The following STRIP1 variants were observed in gnomAD, a reference collection of about 807,000 sequenced individuals.
STRIP1 encodes the protein striatin interacting protein 1, also known as striatin-interacting protein 1.
In STRIP1, 63 loss-of-function variants were observed where a neutral mutation model predicts 106.2. The ratio of observed to expected loss-of-function variants is 0.59; its 90% confidence interval spans 0.48 to 0.73. STRIP1 has a LOEUF of 0.73. Ranked by LOEUF, STRIP1 falls within the 30% of genes least tolerant of loss-of-function variation. STRIP1 has a pLI of 0.00. For synonymous variants in STRIP1, 390 were observed against 413.0 expected, an observed-to-expected ratio of 0.94 and a Z score of 0.67; for missense variants, 857 against 1,074.8, an observed-to-expected ratio of 0.80 and a Z score of 2.83.
chr1:110,038,754 C>G lies in STRIP1; in HGVS notation c.322C>G (p.His108Asp). The G allele has an allele frequency of 6.2e-7, 1 of 1,613,752 alleles. No homozygotes were observed. Among genetic ancestry groups the G allele is most frequent in the Non-Finnish European group, 8.5e-7 (1 of 1,179,654 alleles). ...RKCFEEDFRIHVTDKKWTELD... is the reference protein window; with the variant it reads ...RKCFEEDFRIDVTDKKWTELD... ...ATGCTTTGAGGAGGACTTCCGGATC[C>G]ATGGTGAGATGATTTCCCACACTTC... is the stretch of plus-strand genomic sequence containing the variant. The change falls in exon 3 of 21, where the codon CAT becomes GAT. Residue 108 changes from histidine to aspartate, a missense_variant. By Grantham distance (81) the His-to-Asp change is moderately conservative. Around this residue, in one of 2 missense-constraint regions of STRIP1, gnomAD observed 750 missense variants for 989.8 expected, o/e 0.76. Coordinates refer to ENST00000369795, the MANE Select transcript of STRIP1 (RefSeq NM_033088.4).
chr1:110,036,441 C>T (rs1012224315), intron 1 of STRIP1, among the ~76,000 whole-genome samples: 1 of 151,894 alleles, frequency 6.6e-6, no homozygotes. Flanking sequence ...GTGACAAGAG[C>T]GAAACTCTCC....
chr1:110,033,810 C>G (rs1352505007), upstream of STRIP1, among the ~76,000 whole-genome samples: 1 of 152,274 alleles, frequency 6.6e-6, no homozygotes, highest in East Asian at 1.9e-4. Flanking sequence ...AACATCTTAG[C>G]ACCCTGTCCT....
At chr1:110,038,161 G>A (rs1652584793) in intron 2 of STRIP1, 1 of 169,428 alleles carries the variant, frequency 5.9e-6, no homozygotes, top group African/African-American at 2.6e-5. Context: ...TTATAACTTT[G>A]TGTTGTCCTT....
intron 20 of STRIP1, 72 bp downstream of exon 20, chr1:110,051,959 G>T: frequency 1.3e-6 from 2 of 1,494,556 alleles, no homozygotes; most frequent in South Asian, 1.2e-5. Flanking sequence ...CTCCCTGCCC[G>T]TGGTACTCAG....
upstream of STRIP1, chr1:110,034,529 G>A (rs567094071): frequency 3.9e-5 from 53 of 1,342,348 alleles, no homozygotes; most frequent in East Asian, 1.1e-3. Context: ...TTCTAACACT[G>A]GCCGCCACAC....
intron 18 of STRIP1, 90 bp downstream of exon 18, chr1:110,050,499 T>G (rs1265050046): frequency 8.0e-7 from 1 of 1,250,058 alleles, no homozygotes; most frequent in Non-Finnish European, 1.2e-6. Flanking sequence ...GGAATAGAGG[T>G]GTCTCCCGCA....
intron 5 of STRIP1, 108 bp downstream of exon 5, chr1:110,039,623 TG>T: frequency 7.4e-7 from 1 of 1,354,624 alleles, no homozygotes; most frequent in Non-Finnish European, 1.0e-6. Context: ...GCAGAAGTTC[TG>T]GTCCCAGGCT....
At chr1:110,043,544 A>G (rs533248992) in intron 9 of STRIP1, 95 bp from the exon 10 acceptor site, 10 of 1,139,956 alleles carry the variant, frequency 8.8e-6, no homozygotes, top group African/African-American at 7.7e-5. Flanking sequence ...TCTTGCCTCT[A>G]CTGGACACCT....
rs751513487 is a variant in STRIP1 at position 110,045,068 on chromosome 1, C to T, written c.1406C>T (p.Thr469Ile). 1.9e-5 allele frequency: 30 copies of T among 1,613,924 alleles called. 2 individuals are homozygous for T. In the South Asian group the frequency reaches 2.7e-4, roughly 15 times the overall value. Residue 469 changes from threonine (T) to isoleucine (I), a missense_variant, in exon 12 of 21, where the codon ACT becomes ATT. This residue lies in a region of STRIP1 where 750 missense variants were observed against 989.8 expected (regional missense o/e 0.76). Coordinates refer to ENST00000369795, the MANE Select transcript of STRIP1 (RefSeq NM_033088.4). The stretch of plus-strand genomic sequence containing the variant: ...AGGCCAATCCACGAAAGCATCAAGA[C>T]TCTGAAACAGGTGAGTGGCTTTGGG... ...LPRPIHESIK[T>I]LKQHKYTSIA... is the part of the protein sequence containing the mutation.
At chr1:110,049,277 G>T (rs1300649149) in intron 16 of STRIP1, 39 bp downstream of exon 16, 1 of 1,613,370 alleles carries the variant, frequency 6.2e-7, no homozygotes, top group South Asian at 1.1e-5. Context: ...GTGGGCTGGG[G>T]CCTCGGGCAC....
In STRIP1 at chr1:110,053,968, G is replaced by C; in HGVS notation, c.*56G>C. On this transcript the variant is annotated 3_prime_UTR_variant, in exon 21 of 21. Transcript: ENST00000369795. The stretch of plus-strand genomic sequence containing the variant: ...AAAAGATGATCTGAAGGTACCTGTG[G>C]GACTGTCCTAGTTCATTGCTGCAGT... 6.3e-7 allele frequency: 1 copy of C among 1,598,460 alleles called. No homozygotes were observed. The highest frequency in any genetic ancestry group is 2.2e-5 in the East Asian group (1 of 44,806).
At chr1:110,049,592 A>G (rs747671432) in intron 17 of STRIP1, 32 bp downstream of exon 17, 2 of 1,487,674 alleles carry the variant, frequency 1.3e-6, no homozygotes, top group Admixed American at 1.7e-5. Context: ...GAAGGGGTGG[A>G]TATGGTCAGA....
chr1:110,034,853 C>A, intron 1 of STRIP1, 36 bp downstream of exon 1: 2 of 1,374,158 alleles, frequency 1.5e-6, no homozygotes, highest in South Asian at 1.7e-5. Flanking sequence ...CGCACCGGGT[C>A]GGGCGGCGCC....
chr1:110,054,156 C>T lies in STRIP1; in HGVS notation c.*244C>T, dbSNP rs1653432048. On this transcript the variant is annotated 3_prime_UTR_variant, in exon 21 of 21. Coordinates refer to ENST00000369795, the MANE Select transcript of STRIP1 (RefSeq NM_033088.4). ...TTCTTCCTTTACTTCCCCCACCCTC[C>T]TCTCTTGGATATGGTTGGTTTTGGC... The T allele has an allele frequency of 7.7e-6, 4 of 519,670 alleles. No homozygotes were observed. Among genetic ancestry groups the T allele is most frequent in the African/African-American group, 3.8e-5 (2 of 52,362 alleles). The allele number at this position is 519,670 out of a possible 1,614,324, so 32.2% of individuals were successfully genotyped here. A position where few individuals can be genotyped will look rare whatever the true frequency, so the allele number is the denominator to read the frequency against.
At chr1:110,040,239 T>C (rs1330043979) in intron 5 of STRIP1, among the ~76,000 whole-genome samples, 4 of 152,230 alleles carry the variant, frequency 2.6e-5, no homozygotes, top group South Asian at 2.1e-4. Flanking sequence ...TGGAGTGATA[T>C]GGCGTGAACT....
At position 110,050,356 on chromosome 1, in the gene STRIP1, G is replaced by A. The variant is rs753654308; in HGVS notation, c.1903G>A (p.Asp635Asn). 7 of 1,614,030 alleles carry A rather than the reference G, an allele frequency of 4.3e-6. No individual in the cohort carries two copies. Among genetic ancestry groups the A allele is most frequent in the African/African-American group, 1.3e-5 (1 of 74,916 alleles). The change falls in exon 18 of 21, where the codon GAT becomes AAT. Residue 635 changes from aspartate (D) to asparagine (N), a missense_variant. Asp to Asn is a conservative substitution (Grantham distance 23, BLOSUM62 1). Around this residue, in one of 2 missense-constraint regions of STRIP1, gnomAD observed 750 missense variants for 989.8 expected, o/e 0.76. Coordinates refer to ENST00000369795, the MANE Select transcript of STRIP1 (RefSeq NM_033088.4). ...TCCCCTCTGCAGCATTTCTGTCCTGGATTACCCTCACTGCGTGGTGCATGA... is the reference window on the plus strand; with the variant it reads ...TCCCCTCTGCAGCATTTCTGTCCTGAATTACCCTCACTGCGTGGTGCATGA... The part of the protein sequence containing the change: ...ITAKNSISVL[D>N]YPHCVVHELP...
chr1:110,053,957 AG>A lies in STRIP1; in HGVS notation c.*47del. The stretch of plus-strand genomic sequence containing the variant: ...GAAATGGAGAGAAAAGATGATCTGA[AG>A]GTACCTGTGGGACTGTCCTAGTTCA... On this transcript the variant is annotated 3_prime_UTR_variant, in exon 21 of 21. Transcript: ENST00000369795. The A allele has an allele frequency of 1.9e-6, 3 of 1,607,828 alleles. No homozygotes were observed. The highest frequency in any genetic ancestry group is 2.5e-6 in the Non-Finnish European group (3 of 1,176,756).
At chr1:110,032,478 A>G (rs758132527), upstream of STRIP1, among the ~76,000 whole-genome samples, 32 of 152,212 alleles carry the variant, frequency 2.1e-4, no homozygotes, top group Admixed American at 3.3e-4. Context: ...TAAGGATTTC[A>G]CAGTATAACA....
At chr1:110,049,786 G>T in intron 17 of STRIP1, 1 of 515,072 alleles carries the variant, frequency 1.9e-6, no homozygotes, top group Non-Finnish European at 3.4e-6. Context: ...GCCTGGGCAG[G>T]AGGGTTTTCA....
Sources: allele counts gnomAD v4.1 joint callset (sites outside exome capture counted in the v4.1 genomes callset), GRCh38; gene constraint gnomAD v4.1.1; regional missense constraint gnomAD v4.1.1; transcripts MANE v1.5; gene names NCBI Gene and HGNC (gene_info 2026-07-23, HGNC 2026-07-21).